Variants in WHRN observed in about 807,000 individuals in gnomAD.
The protein encoded by WHRN is whirlin, also known as CASK-interacting protein CIP98.
Under a neutral mutation model 68.3 loss-of-function variants are expected in WHRN, and 41 were observed. The observed-to-expected ratio is 0.60, with a 90% CI of 0.47 to 0.78. The LOEUF (loss-of-function observed/expected upper bound fraction) is 0.78, where lower values mean the gene tolerates loss of function less well. Ranked by LOEUF, WHRN falls within the 30% of genes least tolerant of loss-of-function variation. WHRN has a pLI of 0.00. For synonymous variants in WHRN, 560 were observed against 561.3 expected, an observed-to-expected ratio of 1.00 and a Z score of 0.03; for missense variants, 1,243 against 1,244.7, an observed-to-expected ratio of 1.00 and a Z score of 0.02.
chr9:114,426,183 G>T (rs1350533826), intron 4 of WHRN, 28 bp downstream of exon 4: 1 of 1,611,650 alleles, frequency 6.2e-7, no homozygotes, highest in Admixed American at 1.7e-5. Flanking sequence ...CTGGGGTCTG[G>T]AGATTGGAGC....
At chr9:114,454,005 C>T (rs1439861086) in intron 3 of WHRN, among the ~76,000 whole-genome samples, 1 of 152,098 alleles carries the variant, frequency 6.6e-6, no homozygotes. Flanking sequence ...AAGGCTGTTT[C>T]AACATTTGAA....
intron 1 of WHRN, among the ~76,000 whole-genome samples, chr9:114,497,464 C>T (rs1843554822): frequency 6.6e-6 from 1 of 151,258 alleles, no homozygotes; most frequent in Non-Finnish European, 1.5e-5. Flanking sequence ...ACTTGGCCTT[C>T]ACCCAAAATG....
intron 3 of WHRN, among the ~76,000 whole-genome samples, chr9:114,427,283 A>T (rs1836964794): frequency 6.6e-6 from 1 of 152,246 alleles, no homozygotes; most frequent in African/African-American, 2.4e-5. Context: ...TTAATGAAGG[A>T]ATGTAAAAAC....
At chr9:114,482,824 C>T (rs1193657915) in intron 1 of WHRN, among the ~76,000 whole-genome samples, 1 of 152,196 alleles carries the variant, frequency 6.6e-6, no homozygotes, top group African/African-American at 2.4e-5. Flanking sequence ...GGTTAATGCC[C>T]TTGATGAGAA....
chr9:114,466,737 G>A (rs1205081022), intron 2 of WHRN, among the ~76,000 whole-genome samples: 2 of 152,134 alleles, frequency 1.3e-5, no homozygotes, highest in East Asian at 1.9e-4. Flanking sequence ...CAGTGGCCAC[G>A]TTCACCTGAG....
chr9:114,483,197 G>A (rs780299873), intron 1 of WHRN, among the ~76,000 whole-genome samples: 23 of 152,102 alleles, frequency 1.5e-4, no homozygotes, highest in Non-Finnish European at 2.2e-4. Context: ...TATTTCTGGC[G>A]AAACTGATGA....
In WHRN at chr9:114,478,586, G is replaced by A. The variant is rs1179689545; in HGVS notation, c.804C>T (p.Thr268=). ...LRQQEGDRRS[T]LHLLQGGDEK... is the part of the protein sequence containing the mutation. ...CATCCCCTCCTTGCAGGAGGTGCAG[G>A]GTGCTCCTCCGGTCACCCTCCTGCT... Residue 268 remains threonine, a synonymous_variant, in exon 2 of 12, where the codon ACC becomes ACT. Transcript: ENST00000362057. 4 of 1,613,930 alleles carry A rather than the reference G, an allele frequency of 2.5e-6. No individual in the cohort carries two copies. The highest frequency in any genetic ancestry group is 2.2e-5 in the East Asian group (1 of 44,882).
chr9:114,445,956 G>A (rs1160632464), intron 3 of WHRN, among the ~76,000 whole-genome samples: 1 of 152,182 alleles, frequency 6.6e-6, no homozygotes, highest in Non-Finnish European at 1.5e-5. Context: ...ATATGATTAT[G>A]CAACTATTAC....
intron 3 of WHRN, among the ~76,000 whole-genome samples, chr9:114,443,394 T>C (rs1838549460): frequency 6.6e-6 from 1 of 152,140 alleles, no homozygotes; most frequent in East Asian, 1.9e-4. Flanking sequence ...TCCAATTCCT[T>C]GCCCTTTCCA....
chr9:114,491,810 C>T lies in WHRN; in HGVS notation c.618+12374G>A, dbSNP rs558305361. 9.5e-5 allele frequency: 25 copies of T among 264,304 alleles called. No individual in the cohort carries two copies. In the South Asian group the frequency reaches 2.5e-3, roughly 27 times the overall value. The allele number at this position is 264,304 out of a possible 1,614,324, so 16.4% of individuals were successfully genotyped here. A position where few individuals can be genotyped will look rare whatever the true frequency, so the allele number is the denominator to read the frequency against. On this transcript the variant is annotated intron_variant, in intron 1 of 11. Transcript: ENST00000362057. The stretch of plus-strand genomic sequence containing the variant: ...CCTGGAGCCAGTCCCACCATGCCCA[C>T]GTCTCCTCCTGCAGGGCCCACAAGT...
intron 1 of WHRN, among the ~76,000 whole-genome samples, chr9:114,492,182 G>A (rs773714875): frequency 3.3e-5 from 5 of 151,990 alleles, no homozygotes; most frequent in Non-Finnish European, 5.9e-5. Context: ...CTGGTGGGAG[G>A]GAATATACAA....
intron 9 of WHRN, 38 bp from the exon 10 acceptor site, chr9:114,404,115 A>G: frequency 6.2e-7 from 1 of 1,600,106 alleles, no homozygotes; most frequent in Non-Finnish European, 8.5e-7. Context: ...CAGCTTATAT[A>G]GCTGGGGTCA....
Position 114,478,920 on chromosome 9 carries a change from G to T in WHRN, c.619-149C>A, listed in dbSNP as rs542559239. On this transcript the variant is annotated intron_variant, in intron 1 of 11. Coordinates refer to ENST00000362057, the MANE Select transcript of WHRN (RefSeq NM_015404.4). The stretch of plus-strand genomic sequence containing the variant: ...AAGTCCCTTTCCTTCTCTAGCCCTC[G>T]ATTTTGTCCTGTGAAAACAAGAACA... The T allele has an allele frequency of 1.3e-4, 101 of 761,702 alleles. No individual in the cohort carries two copies. In the South Asian group the frequency reaches 1.4e-3, roughly 11 times the overall value. The allele number at this position is 761,702 out of a possible 1,614,324, so 47.2% of individuals were successfully genotyped here.
chr9:114,491,863 T>C (rs1369059917), intron 1 of WHRN: 7 of 264,052 alleles, frequency 2.7e-5, no homozygotes, highest in Non-Finnish European at 4.5e-5. Context: ...CCCTTTGCCC[T>C]GAGTCTGCAG....
chr9:114,488,645 C>T (rs1183480126), intron 1 of WHRN, among the ~76,000 whole-genome samples: 2 of 152,208 alleles, frequency 1.3e-5, no homozygotes, highest in Non-Finnish European at 2.9e-5. Context: ...TGTCCAGCCA[C>T]ATGGACTGGA....
chr9:114,406,399 C>A lies in WHRN; in HGVS notation c.2192G>T (p.Ser731Ile), dbSNP rs1333069382. The A allele has an allele frequency of 3.1e-6, 5 of 1,614,088 alleles. No homozygotes were observed. The highest frequency in any genetic ancestry group is 4.2e-6 in the Non-Finnish European group (5 of 1,180,050). The change falls in exon 9 of 12, where the codon AGC becomes ATC. Residue 731 changes from serine to isoleucine, a missense_variant. Transcript: ENST00000362057. ...CCTCACTTCATTGACGTCTGGCTCG[C>A]TGTCGGGGCGGTGGACCTCCACCAT... ...FVMVEVHRPD[S>I]EPDVNEVRAL...
chr9:114,478,484 C>A (rs755347297), intron 2 of WHRN, 69 bp downstream of exon 2: 1 of 1,564,666 alleles, frequency 6.4e-7, no homozygotes, highest in Non-Finnish European at 8.8e-7. Flanking sequence ...CCAAGCAGCT[C>A]TGCTGTTCTG....
intron 3 of WHRN, among the ~76,000 whole-genome samples, chr9:114,438,495 C>A (rs1589137738): frequency 6.7e-6 from 1 of 149,094 alleles, no homozygotes. Flanking sequence ...CTCTGTCACC[C>A]AGGCTGGAGT....
rs111033459 is a variant in WHRN, at chr9:114,424,385, A to G, written c.1365T>C (p.Ser455=). 3.8e-3 allele frequency: 6,058 copies of G among 1,612,580 alleles called. 15 individuals are homozygous for G. Among genetic ancestry groups the G allele is most frequent in the Non-Finnish European group, 4.6e-3 (5,462 of 1,179,980 alleles). ...ACAGGGCCATGACGAGGGCCTCCAC[A>G]GAGACGCTGCCACCACGGTACTCAT... The part of the protein sequence containing the change: ...YLDEYRGGSV[S]VEALVMALFK... The change falls in exon 6 of 12, where the codon TCT becomes TCC. Residue 455 remains serine (S), a synonymous_variant. Transcript: ENST00000362057.
Sources: allele counts gnomAD v4.1 joint callset (sites outside exome capture counted in the v4.1 genomes callset), GRCh38; gene constraint gnomAD v4.1.1; transcripts MANE v1.5; gene names NCBI Gene and HGNC (gene_info 2026-07-23, HGNC 2026-07-21).